The following MET variants were observed in gnomAD, a reference collection of about 807,000 sequenced individuals.
MET encodes the protein MET proto-oncogene, receptor tyrosine kinase, also known as hepatocyte growth factor receptor.
In MET, 48 loss-of-function variants were observed where a neutral mutation model predicts 133.1. That is an observed-to-expected ratio of 0.36 (90% CI 0.29 to 0.46). The LOEUF is 0.46. MET is among the 20% of genes least tolerant of loss of function. The pLI, the probability that MET is intolerant of heterozygous loss-of-function variation, is 1.00. For missense variants in MET, 1,442 were observed against 1,695.9 expected, an observed-to-expected ratio of 0.85 and a Z score of 2.63; for synonymous variants, 628 against 616.5, an observed-to-expected ratio of 1.02 and a Z score of -0.28.
At chr7:116,694,991 TA>T (rs1238825926) in intron 1 of MET, among the ~76,000 whole-genome samples, 2 of 152,180 alleles carry the variant, frequency 1.3e-5, no homozygotes, top group Non-Finnish European at 2.9e-5. Flanking sequence ...TCAAAAAGCC[TA>T]GAAGAAAAAA....
At chr7:116,720,599 T>G (rs1458862165) in intron 2 of MET, among the ~76,000 whole-genome samples, 1 of 90,748 alleles carries the variant, frequency 1.1e-5, no homozygotes, top group Non-Finnish European at 2.1e-5. Context: ...TTTTGCCCAT[T>G]CAGTATGATA....
At chr7:116,764,861 C>T (rs1254071485) in intron 11 of MET, among the ~76,000 whole-genome samples, 3 of 152,088 alleles carry the variant, frequency 2.0e-5, no homozygotes, top group African/African-American at 4.8e-5. Context: ...AGTGGCAATT[C>T]AGGGAGATTA....
At chr7:116,788,265 A>C (rs534913663) in intron 19 of MET, among the ~76,000 whole-genome samples, 23 of 152,198 alleles carry the variant, frequency 1.5e-4, no homozygotes, top group Non-Finnish European at 2.8e-4. Context: ...TGATAGCTGC[A>C]CGTCTATATA....
At chr7:116,765,286 CAAAAAAAA>C (rs754418396) in intron 11 of MET, among the ~76,000 whole-genome samples, 3 of 31,876 alleles carry the variant, frequency 9.4e-5, no homozygotes, top group African/African-American at 3.3e-4. Context: ...GGAGACAGAG[CAAAAAAAA>C]AAAAAAAAAA....
intron 15 of MET, among the ~76,000 whole-genome samples, chr7:116,776,843 C>T (rs1795007474): frequency 6.6e-6 from 1 of 152,172 alleles, no homozygotes; most frequent in Non-Finnish European, 1.5e-5. Context: ...TGGGCAACTG[C>T]CTTTCAGTTT....
Position 116,796,940 on chromosome 7 carries a change from A to G in MET, c.*816A>G, listed in dbSNP as rs535127764. ...AGCCCTTATAAATTTTTGTATAGAC[A>G]TTCCTTTGGTTGGAAGAATATTTAT... is the stretch of plus-strand genomic sequence containing the variant. On this transcript the variant is annotated 3_prime_UTR_variant, in exon 21 of 21. Transcript: ENST00000397752. 2 of 179,138 alleles carry G rather than the reference A, an allele frequency of 1.1e-5. No individual in the cohort carries two copies. Among genetic ancestry groups the G allele is most frequent in the Admixed American group, 6.3e-5 (1 of 15,910 alleles). The allele number at this position is 179,138 out of a possible 1,614,324, so 11.1% of individuals were successfully genotyped here. A position where few individuals can be genotyped will look rare whatever the true frequency, so the allele number is the denominator to read the frequency against.
intron 2 of MET, among the ~76,000 whole-genome samples, chr7:116,705,095 A>G (rs541351766): frequency 2.6e-5 from 4 of 152,264 alleles, no homozygotes; most frequent in African/African-American, 9.6e-5. Context: ...AATCAAAACA[A>G]GATGCAAACA....
chr7:116,765,047 C>A (rs1443613503), intron 11 of MET, among the ~76,000 whole-genome samples: 2 of 152,068 alleles, frequency 1.3e-5, no homozygotes, highest in African/African-American at 4.8e-5. Flanking sequence ...TACCTGTAAT[C>A]CCAGCACTTT....
intron 1 of MET, among the ~76,000 whole-genome samples, chr7:116,692,845 A>G (rs1796821982): frequency 6.6e-6 from 1 of 152,242 alleles, no homozygotes; most frequent in Admixed American, 6.5e-5. Flanking sequence ...CAACATTTTA[A>G]GAGAATGAAT....
chr7:116,757,260 T>C (rs1326490421), intron 6 of MET, among the ~76,000 whole-genome samples, 177 bp from the exon 7 acceptor site: 1 of 152,064 alleles, frequency 6.6e-6, no homozygotes, highest in Non-Finnish European at 1.5e-5. Context: ...AAGTTAAGTT[T>C]ATCATAGTAT....
chr7:116,793,190 T>TA (rs1260104319), intron 19 of MET, among the ~76,000 whole-genome samples: 2 of 151,958 alleles, frequency 1.3e-5, no homozygotes, highest in Non-Finnish European at 2.9e-5. Context: ...TTTTTTTTTT[T>TA]TTGAGACGGA....
chr7:116,724,364 T>A, intron 2 of MET: 1 of 278,212 alleles, frequency 3.6e-6, no homozygotes, highest in Non-Finnish European at 7.1e-6. Flanking sequence ...CTGCGCCCAC[T>A]GTCTGGCACT....
intron 2 of MET, among the ~76,000 whole-genome samples, chr7:116,714,448 G>A (rs1303177815): frequency 6.6e-6 from 1 of 152,006 alleles, no homozygotes; most frequent in African/African-American, 2.4e-5. Context: ...TTCGACCTCT[G>A]CCATGAGCCT....
rs768638354 is a variant in MET at position 116,741,039 on chromosome 7, A to G, written c.1701+14A>G. 5.0e-6 allele frequency: 8 copies of G among 1,608,100 alleles called. No homozygotes were observed. The East Asian group carries it at 1.8e-4, about 36-fold the overall frequency. ...GCAATCTACAAGGTAGGAATCTCTAACAGCTGGCATACATGTTTTTGTTTG... is the reference window on the plus strand; with the variant it reads ...GCAATCTACAAGGTAGGAATCTCTAGCAGCTGGCATACATGTTTTTGTTTG... On this transcript the variant is annotated intron_variant, in intron 5 of 20. Coordinates refer to ENST00000397752, the MANE Select transcript of MET (RefSeq NM_000245.4).
intron 1 of MET, among the ~76,000 whole-genome samples, chr7:116,683,003 G>A (rs1796417150): frequency 6.6e-6 from 1 of 152,110 alleles, no homozygotes; most frequent in Non-Finnish European, 1.5e-5. Context: ...ACACCTGTGA[G>A]CACCTCCTCC....
chr7:116,724,405 G>A (rs1263420949), intron 2 of MET, among the ~76,000 whole-genome samples: 1 of 152,228 alleles, frequency 6.6e-6, no homozygotes, highest in African/African-American at 2.4e-5. Flanking sequence ...TACCTCAGAT[G>A]GAAATGCAGA....
At chr7:116,745,797 G>T (rs763521162) in intron 5 of MET, among the ~76,000 whole-genome samples, 31 of 152,160 alleles carry the variant, frequency 2.0e-4, no homozygotes, top group Non-Finnish European at 4.1e-4. Flanking sequence ...GATTAAAGAT[G>T]TAAATGTTAG....
chr7:116,695,468 G>T (rs960068655), intron 1 of MET, among the ~76,000 whole-genome samples: 1 of 152,086 alleles, frequency 6.6e-6, no homozygotes, highest in Non-Finnish European at 1.5e-5. Context: ...CCTTAAAATG[G>T]TCACGTGAGA....
chr7:116,763,353 G>A, intron 11 of MET, 85 bp downstream of exon 11: 4 of 1,245,878 alleles, frequency 3.2e-6, no homozygotes, highest in Non-Finnish European at 4.6e-6. Context: ...TGTTGTACTT[G>A]GCCATTGTAT....
Sources: allele counts gnomAD v4.1 joint callset (sites outside exome capture counted in the v4.1 genomes callset), GRCh38; gene constraint gnomAD v4.1.1; transcripts MANE v1.5; gene names NCBI Gene and HGNC (gene_info 2026-07-23, HGNC 2026-07-21).